ERC2: variants seen among roughly 807,000 people sequenced by gnomAD.
ERC2 encodes ELKS/RAB6-interacting/CAST family member 2, also known as ERC protein 2.
Under a neutral mutation model 114.8 loss-of-function variants are expected in ERC2, and 42 were observed. The ratio of observed to expected loss-of-function variants is 0.37; its 90% CI spans 0.29 to 0.47. The LOEUF (loss-of-function observed/expected upper bound fraction) is 0.47. ERC2 is among the 20% of genes least tolerant of loss of function. The probability of loss-of-function intolerance (pLI) is 0.99; values close to 1 mark genes in which losing one functional copy is unlikely to be tolerated. For synonymous variants in ERC2, 454 were observed against 425.5 expected (o/e 1.07, Z -0.82); for missense variants, 939 against 1,150.7 (o/e 0.82, Z 2.66).
At chr3:55,825,638 G>C (rs2060295581) in intron 14 of ERC2, among the ~76,000 whole-genome samples, 1 of 151,910 alleles carries the variant, frequency 6.6e-6, no homozygotes, top group Admixed American at 6.6e-5. Context: ...TCTAACATTA[G>C]AACCATTATT....
chr3:55,922,500 G>T (rs1559875336), intron 13 of ERC2, among the ~76,000 whole-genome samples: 1 of 152,052 alleles, frequency 6.6e-6, no homozygotes, highest in Admixed American at 6.6e-5. Context: ...AAAGATGCCA[G>T]TAGAAAAACA....
chr3:56,448,243 C>A (rs1388446247), intron 1 of ERC2, among the ~76,000 whole-genome samples: 1 of 152,180 alleles, frequency 6.6e-6, no homozygotes, highest in Non-Finnish European at 1.5e-5. Flanking sequence ...TTATAAACCC[C>A]TACACTGCAA....
intron 17 of ERC2, among the ~76,000 whole-genome samples, chr3:55,546,824 C>A (rs2054787911): frequency 6.6e-6 from 1 of 152,232 alleles, no homozygotes; most frequent in Non-Finnish European, 1.5e-5. Flanking sequence ...CAGCCACTTA[C>A]AACTTATGTG....
chr3:56,237,547 G>A (rs2150193965), intron 3 of ERC2, among the ~76,000 whole-genome samples: 1 of 152,296 alleles, frequency 6.6e-6, no homozygotes, highest in Admixed American at 6.5e-5. Flanking sequence ...TCTGCAAACT[G>A]TTCCTGCAAG....
At chr3:55,596,762 T>C (rs940470990) in intron 17 of ERC2, among the ~76,000 whole-genome samples, 12 of 152,054 alleles carry the variant, frequency 7.9e-5, no homozygotes, top group African/African-American at 2.7e-4. Context: ...TAATGAAAGA[T>C]AAGAACAACC....
chr3:55,574,312 C>A (rs73079410), intron 17 of ERC2, among the ~76,000 whole-genome samples: 8,590 of 152,242 alleles, frequency 0.056, 333 homozygotes, highest in Middle Eastern at 0.075. Context: ...TCTGTCAATT[C>A]CCTAATGAAA....
intron 2 of ERC2, among the ~76,000 whole-genome samples, chr3:56,387,819 G>A (rs1576709719): frequency 1.3e-5 from 2 of 152,142 alleles, no homozygotes; most frequent in African/African-American, 4.8e-5. Context: ...GATTGGATAA[G>A]GAGACAGAGC....
chr3:55,873,679 C>T (rs1413458710), intron 14 of ERC2, among the ~76,000 whole-genome samples: 1 of 152,196 alleles, frequency 6.6e-6, no homozygotes, highest in Non-Finnish European at 1.5e-5. Flanking sequence ...TCACACAGGC[C>T]TCCACTGAGC....
intron 17 of ERC2, among the ~76,000 whole-genome samples, chr3:55,617,192 T>C (rs556319282): frequency 7.9e-5 from 12 of 152,334 alleles, no homozygotes; most frequent in Non-Finnish European, 1.6e-4. Context: ...CCTTCCCTTC[T>C]CATGCAAGGG....
intron 9 of ERC2, among the ~76,000 whole-genome samples, chr3:56,008,119 G>A (rs983267719): frequency 1.3e-5 from 2 of 152,152 alleles, no homozygotes; most frequent in African/African-American, 4.8e-5. Flanking sequence ...TGACTCAGAT[G>A]TACAGGTTTT....
At chr3:56,095,044 G>A (rs1386851545) in intron 6 of ERC2, among the ~76,000 whole-genome samples, 2 of 152,180 alleles carry the variant, frequency 1.3e-5, no homozygotes, top group East Asian at 1.9e-4. Flanking sequence ...CTTGAGGCCA[G>A]AAGTTTGAGG....
chr3:56,197,369 C>G (rs1380846486), intron 3 of ERC2, among the ~76,000 whole-genome samples: 3 of 152,200 alleles, frequency 2.0e-5, no homozygotes, highest in Non-Finnish European at 4.4e-5. Flanking sequence ...CGTTAGAATA[C>G]GCCTACCATA....
intron 2 of ERC2, among the ~76,000 whole-genome samples, chr3:56,386,108 A>C (rs1463370990): frequency 2.6e-5 from 4 of 152,158 alleles, no homozygotes; most frequent in African/African-American, 9.7e-5. Flanking sequence ...CTCAAGAGTA[A>C]ATTCAGCTCT....
intron 14 of ERC2, among the ~76,000 whole-genome samples, chr3:55,803,101 C>T (rs1488835559): frequency 3.3e-5 from 5 of 152,140 alleles, no homozygotes; most frequent in Non-Finnish European, 7.4e-5. Flanking sequence ...TAAGGTCATG[C>T]TTGGCTTCAA....
intron 6 of ERC2, among the ~76,000 whole-genome samples, chr3:56,104,373 A>G (rs1206377843): frequency 6.6e-6 from 1 of 152,202 alleles, no homozygotes; most frequent in Non-Finnish European, 1.5e-5. Flanking sequence ...AACAATTCCA[A>G]TTAGTTCTGC....
At chr3:55,997,258 T>C (rs1456457926) in intron 10 of ERC2, among the ~76,000 whole-genome samples, 1 of 148,172 alleles carries the variant, frequency 6.7e-6, no homozygotes, top group African/African-American at 2.5e-5. Context: ...GTTTTAGCAA[T>C]AATTTGCTAA....
At chr3:55,875,724 A>ACACACACACACACTCTCTCT (rs1491351730) in intron 14 of ERC2, among the ~76,000 whole-genome samples, 3 of 141,104 alleles carry the variant, frequency 2.1e-5, no homozygotes, top group African/African-American at 8.3e-5. Context: ...ACACACACAC[A>ACACACACACACACTCTCTCT]CTCTCTCTCT....
chr3:56,119,987 G>A (rs550806110), intron 6 of ERC2, among the ~76,000 whole-genome samples: 6 of 152,324 alleles, frequency 3.9e-5, no homozygotes, highest in Non-Finnish European at 7.3e-5. Flanking sequence ...AGTATGGAGG[G>A]AGTTGAGTAA....
chr3:56,384,338 C>T (rs1269837181), intron 2 of ERC2, among the ~76,000 whole-genome samples: 2 of 152,088 alleles, frequency 1.3e-5, no homozygotes, highest in African/African-American at 2.4e-5. Flanking sequence ...CAAAAGTTTC[C>T]ATTTCTCTAT....
Sources: gnomAD v4.1 joint callset for allele counts (sites outside exome capture counted in the v4.1 genomes callset) on GRCh38, gnomAD v4.1.1 for gene constraint, MANE v1.5 for transcripts, NCBI Gene and HGNC (gene_info 2026-07-23, HGNC 2026-07-21) for gene names.